The following POLA1 variants were observed in gnomAD, a reference collection of about 807,000 sequenced individuals.
POLA1 encodes the protein DNA polymerase alpha 1, catalytic subunit.
POLA1 carries 15 observed loss-of-function variants against 124.0 expected under a neutral mutation model. The ratio of observed to expected loss-of-function variants is 0.12; its 90% CI spans 0.08 to 0.19. POLA1 has a LOEUF of 0.19. POLA1 is among the 10% of genes least tolerant of loss of function. POLA1 has a pLI of 1.00. For missense variants in POLA1, 886 were observed against 1,103.4 expected, an observed-to-expected ratio of 0.80 and a Z score of 2.79; for synonymous variants, 408 against 389.4, an observed-to-expected ratio of 1.05 and a Z score of -0.56.
chrX:24,801,585 G>A (rs1173809754), intron 26 of POLA1, among the ~76,000 whole-genome samples: 1 of 110,830 alleles, frequency 9.0e-6, no homozygotes, highest in African/African-American at 3.3e-5. Context: ...AATATCATTC[G>A]GTTGGGGAGT....
At chrX:24,791,529 GT>G (rs962768831) in intron 26 of POLA1, among the ~76,000 whole-genome samples, 4 of 111,783 alleles carry the variant, frequency 3.6e-5, no homozygotes, top group African/African-American at 1.3e-4. Flanking sequence ...GGGATTACAG[GT>G]GTAGGCCACC....
intron 34 of POLA1, among the ~76,000 whole-genome samples, chrX:24,884,798 G>T (rs749915601): frequency 1.8e-5 from 2 of 112,248 alleles, no homozygotes; most frequent in Non-Finnish European, 3.8e-5. Context: ...TTAACAGATA[G>T]TAAGTACAAA....
chrX:24,891,483 G>A (rs773224029), intron 35 of POLA1, among the ~76,000 whole-genome samples: 14 of 111,616 alleles, frequency 1.3e-4, no homozygotes, highest in African/African-American at 4.2e-4. Flanking sequence ...TGAGGTTCCT[G>A]GGCTTTTCTA....
chrX:24,834,771 C>T (rs761802240), intron 32 of POLA1, among the ~76,000 whole-genome samples: 17 of 110,656 alleles, frequency 1.5e-4, no homozygotes, highest in Non-Finnish European at 2.5e-4. Context: ...AGCGAGACTC[C>T]GCCTCAAAAC....
At position 24,747,005 on chromosome X, in the gene POLA1, A is replaced by G. The variant is rs748792951; in HGVS notation, c.2692-1306A>G. On this transcript the variant is annotated intron_variant, in intron 24 of 36. Transcript: ENST00000379068. ...GCTTTTTCTTCCTGTAAATTTTAAT[A>G]TAAGAAGACTGCTGGTTGCTTTTCT... Among the ~76,000 whole-genome samples, 3 of 111,999 alleles carry G rather than the reference A, an allele frequency of 2.7e-5. No individual in the cohort carries two copies. The South Asian group carries it at 1.1e-3, about 42-fold the overall frequency.
chrX:24,947,945 A>C (rs1267398902), intron 36 of POLA1, among the ~76,000 whole-genome samples: 2 of 112,238 alleles, frequency 1.8e-5, no homozygotes, highest in East Asian at 5.6e-4. Context: ...AGACTGAGCG[A>C]GTTAGAAAAT....
At chrX:24,717,877 T>A in intron 10 of POLA1, 119 bp downstream of exon 10, 1 of 469,288 alleles carries the variant, frequency 2.1e-6, no homozygotes, top group Non-Finnish European at 3.3e-6. Context: ...TTTATTTCTG[T>A]TTTTTTTTTC....
chrX:24,873,484 A>G (rs1037171950), intron 34 of POLA1, among the ~76,000 whole-genome samples: 2 of 112,018 alleles, frequency 1.8e-5, no homozygotes, highest in African/African-American at 6.5e-5. Context: ...TCAGGAGAGA[A>G]TTCCTTAGAT....
chrX:24,866,774 G>A (rs1162302854), intron 34 of POLA1, among the ~76,000 whole-genome samples: 3 of 111,883 alleles, frequency 2.7e-5, no homozygotes, highest in Admixed American at 9.5e-5. Context: ...CTCTTATGTC[G>A]CATTAACACA....
intron 34 of POLA1, among the ~76,000 whole-genome samples, chrX:24,865,199 A>G (rs1032084705): frequency 1.8e-5 from 2 of 112,347 alleles, no homozygotes; most frequent in Admixed American, 1.9e-4. Flanking sequence ...AAAAAACAGA[A>G]TAGGTGTTCA....
At chrX:24,801,812 A>G (rs1379072488) in intron 26 of POLA1, among the ~76,000 whole-genome samples, 1 of 110,430 alleles carries the variant, frequency 9.1e-6, no homozygotes, top group Non-Finnish European at 1.9e-5. Context: ...GAGAGGTTAT[A>G]TTGTTTGCCT....
chrX:24,784,747 T>C (rs754877436), intron 26 of POLA1, among the ~76,000 whole-genome samples: 2 of 112,222 alleles, frequency 1.8e-5, no homozygotes, highest in Admixed American at 9.4e-5. Context: ...TCCTAAGTTA[T>C]AGGTCTCACA....
At chrX:24,812,633 A>G (rs2045922920) in intron 28 of POLA1, 25 bp from the exon 29 acceptor site, 1 of 928,393 alleles carries the variant, frequency 1.1e-6, no homozygotes. Flanking sequence ...TGAGAAGCTA[A>G]TACTAATATT....
chrX:24,956,779 C>G (rs755643163), intron 36 of POLA1, among the ~76,000 whole-genome samples: 7 of 112,033 alleles, frequency 6.2e-5, no homozygotes, highest in Non-Finnish European at 1.3e-4. Flanking sequence ...AATAAAAATT[C>G]AAGACTCTAC....
At chrX:24,779,715 T>C (rs1342193046) in intron 26 of POLA1, among the ~76,000 whole-genome samples, 1 of 111,868 alleles carries the variant, frequency 8.9e-6, no homozygotes, top group African/African-American at 3.3e-5. Context: ...GCTTTATATA[T>C]GTTAACTCAT....
chrX:24,715,313 A>G, intron 6 of POLA1, 110 bp downstream of exon 6: 1 of 510,891 alleles, frequency 2.0e-6, no homozygotes, highest in South Asian at 3.5e-5. Context: ...TTTTTTTGAA[A>G]CAGTAGCTTG....
chrX:24,924,570 G>A (rs2047663425), intron 35 of POLA1, among the ~76,000 whole-genome samples: 2 of 111,958 alleles, frequency 1.8e-5, no homozygotes, highest in South Asian at 7.5e-4. Flanking sequence ...AACCAGTGAG[G>A]ACTACCTGGG....
chrX:24,994,794 A>G (rs991090635), intron 36 of POLA1, among the ~76,000 whole-genome samples: 3 of 111,355 alleles, frequency 2.7e-5, no homozygotes, highest in African/African-American at 9.8e-5. Flanking sequence ...GCCTCTCCAG[A>G]CACCTTACCA....
intron 26 of POLA1, among the ~76,000 whole-genome samples, chrX:24,803,544 A>G (rs1260338942): frequency 9.0e-6 from 1 of 111,313 alleles, no homozygotes; most frequent in African/African-American, 3.3e-5. Context: ...GTACCCACTC[A>G]CATTAAGTGC....
Sources: allele counts gnomAD v4.1 joint callset (sites outside exome capture counted in the v4.1 genomes callset), GRCh38; gene constraint gnomAD v4.1.1; transcripts MANE v1.5; gene names NCBI Gene and HGNC (gene_info 2026-07-23, HGNC 2026-07-21).